Variants in CPAP observed in about 807,000 individuals in gnomAD.
CPAP encodes the protein centrosomal P4.1-associated protein.
the CPAP span, among the ~76,000 whole-genome samples, chr13:24,919,677 C>G: frequency 6.6e-5 from 10 of 152,376 alleles, no homozygotes; most frequent in African/African-American, 2.2e-4. Flanking sequence ...ACCTTGGCTT[C>G]CCAAAGTGCT....
At chr13:24,911,882 C>T in the CPAP span, 98 of 1,589,558 alleles carry the variant, frequency 6.2e-5, 1 homozygote, top group South Asian at 2.3e-4. Context: ...ATAGAAATAA[C>T]GTGTCAAACA....
At chr13:24,921,269 C>A in the CPAP span, among the ~76,000 whole-genome samples, 3,924 of 152,298 alleles carry the variant, frequency 0.026, 65 homozygotes, top group East Asian at 0.057. Flanking sequence ...GGACCTGCTG[C>A]CTCCCCAGAA....
At chr13:24,901,343 TTAAA>T in the CPAP span, among the ~76,000 whole-genome samples, 7 of 152,124 alleles carry the variant, frequency 4.6e-5, no homozygotes, top group African/African-American at 1.7e-4. Flanking sequence ...TTATCAATAA[TTAAA>T]TAAATACAAA....
the CPAP span, among the ~76,000 whole-genome samples, chr13:24,908,993 A>C: frequency 6.8e-6 from 1 of 146,504 alleles, no homozygotes; most frequent in African/African-American, 2.8e-5. Context: ...TATAGAAGTA[A>C]AGATAAGGAT....
the CPAP span, chr13:24,912,472 G>A: frequency 1.1e-6 from 1 of 912,068 alleles, no homozygotes; most frequent in Non-Finnish European, 1.7e-6. Flanking sequence ...GGTATTCTGA[G>A]GATTTCAGAG....
At chr13:24,884,520 A>G in the CPAP span, 1 of 1,549,916 alleles carries the variant, frequency 6.5e-7, no homozygotes, top group Non-Finnish European at 8.9e-7. Flanking sequence ...AAGTATGGCT[A>G]ATTCTCCTCC....
chr13:24,892,099 A>T, the CPAP span, among the ~76,000 whole-genome samples: 4 of 152,214 alleles, frequency 2.6e-5, no homozygotes, highest in Non-Finnish European at 5.9e-5. Flanking sequence ...AAGCTTCATA[A>T]GGGCAAGGAA....
the CPAP span, chr13:24,908,156 CAAGAA>C: frequency 1.4e-6 from 2 of 1,471,108 alleles, no homozygotes; most frequent in Non-Finnish European, 1.9e-6. Context: ...CAATTTAGCT[CAAGAA>C]AAGCATATTA....
At chr13:24,884,547 A>G in the CPAP span, 4 of 1,323,532 alleles carry the variant, frequency 3.0e-6, no homozygotes, top group Non-Finnish European at 4.3e-6. Flanking sequence ...CCTACTTTGA[A>G]ATTTTTTGTA....
At chr13:24,931,728 T>C in the CPAP span, among the ~76,000 whole-genome samples, 3 of 152,342 alleles carry the variant, frequency 2.0e-5, no homozygotes, top group East Asian at 5.8e-4. Flanking sequence ...ACAAACACTA[T>C]CACGAATTTC....
chr13:24,893,825 A>G, the CPAP span, among the ~76,000 whole-genome samples: 4 of 152,242 alleles, frequency 2.6e-5, no homozygotes, highest in African/African-American at 9.6e-5. Context: ...TATTTACAAA[A>G]TATCTGTTAT....
At chr13:24,883,098 T>C in the CPAP span, 1 of 1,274,430 alleles carries the variant, frequency 7.8e-7, no homozygotes, top group Admixed American at 1.7e-5. Context: ...ACACAATAAA[T>C]TAAACAGAAT....
At chr13:24,888,781 T>A in the CPAP span, among the ~76,000 whole-genome samples, 1 of 152,132 alleles carries the variant, frequency 6.6e-6, no homozygotes, top group East Asian at 1.9e-4. Flanking sequence ...TACATAGCTA[T>A]TAAAATCAAT....
chr13:24,909,972 T>C, the CPAP span: 1 of 1,614,196 alleles, frequency 6.2e-7, no homozygotes, highest in Non-Finnish European at 8.5e-7. Flanking sequence ...TGTTTCTTCC[T>C]GGGTTGGGTC....
At chr13:24,892,870 C>CT in the CPAP span, 1 of 1,546,474 alleles carries the variant, frequency 6.5e-7, no homozygotes, top group Non-Finnish European at 8.8e-7. Context: ...TTTAAAGTCT[C>CT]TCAAAAAAAA....
chr13:24,908,771 C>T, the CPAP span, among the ~76,000 whole-genome samples: 1 of 152,044 alleles, frequency 6.6e-6, no homozygotes, highest in Non-Finnish European at 1.5e-5. Context: ...AAAAAAAGCA[C>T]CTTTAAAAGA....
chr13:24,914,059 C>T, the CPAP span, among the ~76,000 whole-genome samples: 2 of 152,274 alleles, frequency 1.3e-5, no homozygotes, highest in Admixed American at 6.5e-5. Flanking sequence ...CACACACGCA[C>T]ACACACATTA....
the CPAP span, chr13:24,906,400 C>T: frequency 6.2e-7 from 1 of 1,613,004 alleles, no homozygotes; most frequent in Admixed American, 1.7e-5. Flanking sequence ...CAGACTCTTT[C>T]ATGGTCTCCC....
chr13:24,906,212 T>C, the CPAP span: 1 of 1,612,312 alleles, frequency 6.2e-7, no homozygotes, highest in South Asian at 1.1e-5. Flanking sequence ...CCGGTGACCT[T>C]TGCAGATCTG....
Sources: allele counts gnomAD v4.1 joint callset (sites outside exome capture counted in the v4.1 genomes callset), GRCh38; gene constraint gnomAD v4.1.1; transcripts MANE v1.5; gene names NCBI Gene and HGNC (gene_info 2026-07-23, HGNC 2026-07-21).